Variants in TEAD1 observed in about 807,000 individuals in gnomAD.
The protein encoded by TEAD1 is TEA domain transcription factor 1, also known as transcriptional enhancer factor TEF-1.
Under a neutral mutation model 54.9 loss-of-function variants are expected in TEAD1, and 9 were observed. The ratio of observed to expected loss-of-function variants is 0.16; its 90% confidence interval spans 0.10 to 0.29. The LOEUF is 0.29. Ranked by LOEUF, TEAD1 falls within the 10% of genes least tolerant of loss-of-function variation. The pLI is 1.00. For synonymous variants in TEAD1, 200 were observed against 187.8 expected (o/e 1.07, Z -0.53); for missense variants, 387 against 535.9 (o/e 0.72, Z 2.74).
intron 7 of TEAD1, 53 bp from the exon 8 acceptor site, chr11:12,881,843 C>T (rs1564975401): frequency 6.3e-7 from 1 of 1,589,858 alleles, no homozygotes; most frequent in Middle Eastern, 1.7e-4. Flanking sequence ...TGGGTAATAG[C>T]CCCTGCTGCA....
intron 3 of TEAD1, among the ~76,000 whole-genome samples, chr11:12,858,020 A>G (rs1009495074): frequency 1.3e-5 from 2 of 152,194 alleles, no homozygotes; most frequent in African/African-American, 4.8e-5. Context: ...CAGAAGGATC[A>G]CTTGAACCTG....
At chr11:12,835,411 C>T (rs985940517) in intron 3 of TEAD1, among the ~76,000 whole-genome samples, 4 of 151,656 alleles carry the variant, frequency 2.6e-5, no homozygotes, top group South Asian at 2.1e-4. Context: ...GGCGCAGTCT[C>T]GGTCACTGCA....
intron 10 of TEAD1, among the ~76,000 whole-genome samples, chr11:12,919,252 G>A (rs1036660468): frequency 4.6e-5 from 7 of 151,964 alleles, no homozygotes; most frequent in Admixed American, 4.6e-4. Flanking sequence ...CATTCCAAAT[G>A]GAAGCTATAT....
chr11:12,818,955 A>G (rs1467471290), intron 3 of TEAD1, among the ~76,000 whole-genome samples: 1 of 152,238 alleles, frequency 6.6e-6, no homozygotes. Context: ...GTAACAGTAA[A>G]TGTATCTGGA....
intron 3 of TEAD1, among the ~76,000 whole-genome samples, chr11:12,829,281 A>T (rs1946722867): frequency 6.6e-6 from 1 of 152,178 alleles, no homozygotes; most frequent in African/African-American, 2.4e-5. Context: ...AATTGTTCAA[A>T]ACATACGTGA....
chr11:12,815,478 A>G (rs533468927), intron 3 of TEAD1, among the ~76,000 whole-genome samples: 1 of 152,326 alleles, frequency 6.6e-6, no homozygotes, highest in Non-Finnish European at 1.5e-5. Flanking sequence ...AGGTCACAGA[A>G]CTGTAATGGA....
chr11:12,769,622 A>G (rs114555797), intron 3 of TEAD1, among the ~76,000 whole-genome samples: 1,689 of 152,208 alleles, frequency 0.011, 31 homozygotes, highest in African/African-American at 0.037. Context: ...GGAAATGGCC[A>G]TAGACTCCCA....
chr11:12,743,930 C>T (rs974908173), intron 2 of TEAD1, among the ~76,000 whole-genome samples: 1 of 152,168 alleles, frequency 6.6e-6, no homozygotes, highest in African/African-American at 2.4e-5. Flanking sequence ...GGAGCACTGA[C>T]TCTTTACACG....
chr11:12,703,366 C>T (rs944794977), intron 2 of TEAD1, among the ~76,000 whole-genome samples: 6 of 152,154 alleles, frequency 3.9e-5, no homozygotes, highest in African/African-American at 1.2e-4. Context: ...CTGCTCGGTA[C>T]GTGGAGATAT....
At chr11:12,724,595 A>G (rs1944278993) in intron 2 of TEAD1, among the ~76,000 whole-genome samples, 1 of 152,260 alleles carries the variant, frequency 6.6e-6, no homozygotes, top group Non-Finnish European at 1.5e-5. Context: ...ACGCAAGCCT[A>G]GTTCCTGTTT....
chr11:12,768,468 T>G (rs2133931428), intron 3 of TEAD1, among the ~76,000 whole-genome samples: 1 of 152,344 alleles, frequency 6.6e-6, no homozygotes, highest in South Asian at 2.1e-4. Context: ...TGTCTAATGC[T>G]CTTAACAATG....
intron 8 of TEAD1, 120 bp downstream of exon 8, chr11:12,882,077 G>A (rs906428937): frequency 9.4e-7 from 1 of 1,063,872 alleles, no homozygotes; most frequent in African/African-American, 1.6e-5. Context: ...CATTGCCCCT[G>A]ACTTGCAGGA....
chr11:12,848,882 C>G (rs537393027), intron 3 of TEAD1: 8 of 152,040 alleles, frequency 5.3e-5, no homozygotes, highest in African/African-American at 1.9e-4. Flanking sequence ...ACCAGGAGGT[C>G]TAGGTGGCAC....
At chr11:12,814,648 C>T (rs1946376083) in intron 3 of TEAD1, among the ~76,000 whole-genome samples, 1 of 152,132 alleles carries the variant, frequency 6.6e-6, no homozygotes. Context: ...TTGCGCATGT[C>T]ATCTCATTTA....
chr11:12,872,458 G>T (rs866627747), intron 5 of TEAD1, among the ~76,000 whole-genome samples: 1 of 152,102 alleles, frequency 6.6e-6, no homozygotes. Flanking sequence ...TGACATATAC[G>T]CTTTCTCCTC....
At chr11:12,906,309 A>C (rs1705353598) in intron 10 of TEAD1, among the ~76,000 whole-genome samples, 1 of 152,138 alleles carries the variant, frequency 6.6e-6, no homozygotes, top group African/African-American at 2.4e-5. Flanking sequence ...TGGGAGGCCG[A>C]GATGGGCAGA....
chr11:12,820,028 G>T (rs1258801539), intron 3 of TEAD1, among the ~76,000 whole-genome samples: 4 of 150,670 alleles, frequency 2.7e-5, no homozygotes, highest in African/African-American at 9.8e-5. Context: ...GCCTGGGGCA[G>T]GGAGTTGTGG....
At chr11:12,839,411 A>G (rs1205371703) in intron 3 of TEAD1, among the ~76,000 whole-genome samples, 2 of 151,774 alleles carry the variant, frequency 1.3e-5, no homozygotes, top group Non-Finnish European at 2.9e-5. Flanking sequence ...ATTCTGTCTC[A>G]AAACAAAACA....
Position 12,940,437 on chromosome 11 carries a change from G to A in TEAD1, c.*3215G>A, listed in dbSNP as rs1949150470. The A allele has an allele frequency of 6.6e-6, 1 of 152,208 alleles. No individual in the cohort carries two copies. Among genetic ancestry groups the A allele is most frequent in the Non-Finnish European group, 1.5e-5 (1 of 68,042 alleles). The allele number at this position is 152,208 out of a possible 1,614,324, so 9.4% of individuals were successfully genotyped here. A position where few individuals can be genotyped will look rare whatever the true frequency, so the allele number is the denominator to read the frequency against. ...CTGGTCAAGATCTGTTGCCCAAGAT[G>A]TTACAGGTCACAATGACCACATTTG... On this transcript the variant is annotated 3_prime_UTR_variant, in exon 13 of 13. Coordinates refer to ENST00000527636, the MANE Select transcript of TEAD1 (RefSeq NM_021961.6).
Sources: allele counts gnomAD v4.1 joint callset (sites outside exome capture counted in the v4.1 genomes callset), GRCh38; gene constraint gnomAD v4.1.1; transcripts MANE v1.5; gene names NCBI Gene and HGNC (gene_info 2026-07-23, HGNC 2026-07-21).